Variants in KCTD1 observed in about 807,000 individuals in gnomAD.
KCTD1 encodes the protein BTB/POZ domain-containing protein KCTD1.
Under a neutral mutation model 66.0 loss-of-function variants are expected in KCTD1, and 24 were observed. That is an observed-to-expected ratio of 0.36 (90% CI 0.26 to 0.51). KCTD1 has a LOEUF of 0.51. Among genes scored for constraint, KCTD1 ranks in the 20% least tolerant of loss-of-function variants. The pLI is 0.95. For missense variants in KCTD1, 943 were observed against 1,205.2 expected, an observed-to-expected ratio of 0.78 and a Z score of 3.22; for synonymous variants, 511 against 517.2, an observed-to-expected ratio of 0.99 and a Z score of 0.16.
intron 1 of KCTD1, among the ~76,000 whole-genome samples, chr18:26,567,993 T>C (rs913584432): frequency 2.0e-5 from 3 of 152,216 alleles, no homozygotes; most frequent in Non-Finnish European, 4.4e-5. Context: ...CCTCATGTTT[T>C]GTAAACATTT....
At chr18:26,564,574 C>T (rs1336430927) in intron 1 of KCTD1, among the ~76,000 whole-genome samples, 4 of 151,992 alleles carry the variant, frequency 2.6e-5, no homozygotes, top group Non-Finnish European at 5.9e-5. Context: ...GCAAGGCTGC[C>T]GTGTGTGTAT....
Position 26,596,861 on chromosome 18 carries a change from C to T in KCTD1, c.-16+32286G>A, listed in dbSNP as rs149782587. 4.4e-4 allele frequency among the ~76,000 whole-genome samples: 67 copies of T among 152,354 alleles called. No homozygotes were observed. In the East Asian group the frequency reaches 7.5e-3, roughly 17 times the overall value. ...CTCTTCAAGCCTTGAGTTCCATTTC[C>T]GTTAATCTAAGAGATGTTAGTTGGA... On this transcript the variant is annotated intron_variant, in intron 1 of 4. Coordinates refer to the KCTD1 transcript ENST00000317932.
At chr18:26,552,657 C>G (rs6508447), upstream of KCTD1, among the ~76,000 whole-genome samples, 88,068 of 152,040 alleles carry the variant, frequency 0.58, 25,737 homozygotes, top group African/African-American at 0.64. Context: ...GCTTTAGAAA[C>G]TTATTGCAGA....
At chr18:26,545,068 T>G (rs187158101) in intron 1 of KCTD1, 50 of 152,292 alleles carry the variant, frequency 3.3e-4, no homozygotes, top group Non-Finnish European at 1.2e-4. Flanking sequence ...AACGAAACCC[T>G]CTTATATTTT....
intron 1 of KCTD1, chr18:26,575,570 T>C (rs1419436212): frequency 6.6e-6 from 1 of 152,218 alleles, no homozygotes; most frequent in Non-Finnish European, 1.5e-5. Flanking sequence ...TTTCTGCAAG[T>C]CACGGTCTTT....
intron 3 of KCTD1, among the ~76,000 whole-genome samples, chr18:26,460,237 GA>G (rs1980345577): frequency 1.3e-5 from 2 of 152,190 alleles, no homozygotes; most frequent in South Asian, 4.1e-4. Context: ...CCATTTTGCA[GA>G]TGAGAAAACT....
upstream of KCTD1, among the ~76,000 whole-genome samples, chr18:26,629,758 C>T (rs1357434653): frequency 6.9e-6 from 1 of 145,780 alleles, no homozygotes; most frequent in Non-Finnish European, 1.5e-5. Context: ...TGCTCTGTTG[C>T]CCAGGCTGGA....
chr18:26,589,993 A>T (rs563375), intron 1 of KCTD1, among the ~76,000 whole-genome samples: 32,015 of 152,052 alleles, frequency 0.21, 3,462 homozygotes, highest in East Asian at 0.33. Context: ...AACTGAAAGG[A>T]GGTAATGCTT....
upstream of KCTD1, among the ~76,000 whole-genome samples, chr18:26,642,547 T>C (rs548367672): frequency 6.6e-5 from 10 of 152,252 alleles, no homozygotes; most frequent in South Asian, 1.9e-3. Context: ...ACCAACAGTG[T>C]TGATGTTGAA....
intron 2 of KCTD1, among the ~76,000 whole-genome samples, chr18:26,486,449 T>TG (rs1981924809): frequency 6.6e-6 from 1 of 152,218 alleles, no homozygotes; most frequent in African/African-American, 2.4e-5. Flanking sequence ...ATCTCGCAGT[T>TG]GCGCTCTTTG....
chr18:26,616,436 C>T (rs1351061704), intron 1 of KCTD1, among the ~76,000 whole-genome samples: 1 of 151,288 alleles, frequency 6.6e-6, no homozygotes, highest in Non-Finnish European at 1.5e-5. Context: ...ATCTAAGACA[C>T]ATGTTTACAG....
At chr18:26,656,022 G>C (rs76620564) in intron 1 of KCTD1, among the ~76,000 whole-genome samples, 11,494 of 152,172 alleles carry the variant, frequency 0.076, 491 homozygotes, top group Admixed American at 0.13. Context: ...CAATAAAGAA[G>C]GGTGGCGGGA....
At chr18:26,514,140 A>G (rs972251286) in intron 1 of KCTD1, among the ~76,000 whole-genome samples, 6 of 152,192 alleles carry the variant, frequency 3.9e-5, no homozygotes, top group Admixed American at 2.6e-4. Flanking sequence ...ACAGAGAAAA[A>G]ATTTGTCTCA....
intron 1 of KCTD1, among the ~76,000 whole-genome samples, chr18:26,611,226 T>G (rs934955649): frequency 6.6e-6 from 1 of 152,248 alleles, no homozygotes; most frequent in Admixed American, 6.5e-5. Context: ...CAATGTCTAA[T>G]CTTCATCTAT....
intron 1 of KCTD1, among the ~76,000 whole-genome samples, chr18:26,611,369 G>A (rs534507249): frequency 1.3e-5 from 2 of 149,144 alleles, no homozygotes; most frequent in African/African-American, 5.0e-5. Context: ...TGTTTGTTTT[G>A]AGATGGAGTC....
At chr18:26,531,717 C>G (rs773365981) in intron 1 of KCTD1, among the ~76,000 whole-genome samples, 16 of 152,246 alleles carry the variant, frequency 1.1e-4, no homozygotes, top group Non-Finnish European at 2.2e-4. Context: ...TTCCTGGATC[C>G]TAGTTGCCCT....
At chr18:26,492,597 C>T (rs943944768) in intron 2 of KCTD1, among the ~76,000 whole-genome samples, 1 of 148,074 alleles carries the variant, frequency 6.8e-6, no homozygotes, top group Non-Finnish European at 1.5e-5. Context: ...CAGAACAAGA[C>T]ACTGTCTCAA....
intron 3 of KCTD1, among the ~76,000 whole-genome samples, chr18:26,469,032 C>A (rs886694340): frequency 6.6e-6 from 1 of 152,132 alleles, no homozygotes. Flanking sequence ...GCCACCAGAG[C>A]GGAAGGACCC....
intron 1 of KCTD1, chr18:26,543,168 C>T (rs1183766957): frequency 6.6e-6 from 1 of 152,152 alleles, no homozygotes; most frequent in Non-Finnish European, 1.5e-5. Flanking sequence ...AGTTTCTCCA[C>T]CAACTTGAAC....
Sources: gnomAD v4.1 joint callset for allele counts (sites outside exome capture counted in the v4.1 genomes callset) on GRCh38, gnomAD v4.1.1 for gene constraint, MANE v1.5 for transcripts, NCBI Gene and HGNC (gene_info 2026-07-23, HGNC 2026-07-21) for gene names.